Variants in TRPM6 observed in about 807,000 individuals in gnomAD.
The protein encoded by TRPM6 is channel kinase 2.
Under a neutral mutation model 247.6 loss-of-function variants are expected in TRPM6, and 111 were observed. The observed-to-expected ratio is 0.45, with a 90% CI of 0.38 to 0.52. TRPM6 has a LOEUF of 0.52. Ranked by LOEUF, TRPM6 falls within the 20% of genes least tolerant of loss-of-function variation. TRPM6 has a pLI of 0.00. For synonymous variants in TRPM6, 892 were observed against 853.8 expected (o/e 1.04, Z -0.78); for missense variants, 2,126 against 2,421.5 (o/e 0.88, Z 2.56).
chr9:74,724,774 T>C (rs558208808), intron 38 of TRPM6, 28 bp from the exon 39 acceptor site: 13 of 1,613,780 alleles, frequency 8.1e-6, no homozygotes, highest in African/African-American at 6.7e-5. Flanking sequence ...AAAAAGGTTA[T>C]AGTGGAACCC....
chr9:74,747,698 C>T (rs1826096521), intron 31 of TRPM6, among the ~76,000 whole-genome samples, 191 bp downstream of exon 31: 1 of 152,056 alleles, frequency 6.6e-6, no homozygotes, highest in South Asian at 2.1e-4. Context: ...AGTTTTAAAC[C>T]AGACATCAAT....
At chr9:74,840,586 G>A (rs374574159) in intron 4 of TRPM6, among the ~76,000 whole-genome samples, 5 of 152,072 alleles carry the variant, frequency 3.3e-5, no homozygotes, top group African/African-American at 9.7e-5. Flanking sequence ...AGGCCGAGGT[G>A]GGCGGAACAC....
At chr9:74,774,447 G>A (rs1384467351) in intron 24 of TRPM6, among the ~76,000 whole-genome samples, 1 of 152,042 alleles carries the variant, frequency 6.6e-6, no homozygotes, top group Non-Finnish European at 1.5e-5. Context: ...TTCGTACAAA[G>A]GCTGAATCTC....
rs1164003880 is a variant in TRPM6 at position 74,802,182 on chromosome 9, G to A, written c.1732-7C>T. On this transcript the variant is annotated splice_region_variant and splice_polypyrimidine_tract_variant and intron_variant, in intron 15 of 38. Coordinates refer to ENST00000360774, the MANE Select transcript of TRPM6 (RefSeq NM_017662.5). Reference sequence around the variant, plus strand: ...GAAGGACTATAGACTTTTCCTGTTGGAAAATAAAATAGGAATGAGTTTTCA... The same window carrying A: ...GAAGGACTATAGACTTTTCCTGTTGAAAAATAAAATAGGAATGAGTTTTCA... 2 of 1,612,728 alleles carry A rather than the reference G, an allele frequency of 1.2e-6. No homozygotes were observed. Among genetic ancestry groups the A allele is most frequent in the African/African-American group, 1.3e-5 (1 of 74,860 alleles).
Position 74,861,905 on chromosome 9 carries a change from G to A in TRPM6, c.34-3157C>T, listed in dbSNP as rs531062890. ...GGACTCCAACTCCTATAGGCCCCAT[G>A]CCAGTCATTTCTATTGCCCCAGGGC... is the stretch of plus-strand genomic sequence containing the variant. On this transcript the variant is annotated intron_variant, in intron 1 of 38. Coordinates refer to ENST00000360774, the MANE Select transcript of TRPM6 (RefSeq NM_017662.5). Among the ~76,000 whole-genome samples, 3 of 151,890 alleles carry A rather than the reference G, an allele frequency of 2.0e-5. No homozygotes were observed. In the South Asian group the frequency reaches 6.2e-4, roughly 32 times the overall value.
At chr9:74,875,240 C>G (rs1282820840) in intron 1 of TRPM6, 1 of 455,848 alleles carries the variant, frequency 2.2e-6, no homozygotes, top group Non-Finnish European at 4.4e-6. Flanking sequence ...CAACTCTTCC[C>G]TTCCATTAAA....
chr9:74,833,695 T>C (rs1829618942), intron 6 of TRPM6, among the ~76,000 whole-genome samples: 2 of 152,304 alleles, frequency 1.3e-5, no homozygotes, highest in South Asian at 2.1e-4. Flanking sequence ...TCAGTAACAG[T>C]AAGGGCAGTG....
chr9:74,803,151 C>T (rs1312819830), intron 15 of TRPM6, among the ~76,000 whole-genome samples: 3 of 152,184 alleles, frequency 2.0e-5, no homozygotes, highest in Middle Eastern at 6.8e-3. Flanking sequence ...TATAAAATAC[C>T]TCTTTCATAC....
At chr9:74,793,703 C>A (rs1257715095) in intron 18 of TRPM6, among the ~76,000 whole-genome samples, 4 of 152,182 alleles carry the variant, frequency 2.6e-5, no homozygotes, top group Non-Finnish European at 5.9e-5. Context: ...CCTTCGATAG[C>A]ATCCCCACTG....
At position 74,792,678 on chromosome 9, in the gene TRPM6, G is replaced by T; in HGVS notation, c.2484C>A (p.Thr828=). ...LESGHQHLPW[T]RKVYEFYSAP... is the part of the protein sequence containing the mutation. ...CACTGTAGAACTCATAGACTTTCCT[G>T]GTCCACGGAAGGTGTTGGTGCCCAC... is the stretch of plus-strand genomic sequence containing the variant. Residue 828 remains threonine (T), a synonymous_variant, in exon 19 of 39, where the codon ACC becomes ACA. Coordinates refer to ENST00000360774, the MANE Select transcript of TRPM6 (RefSeq NM_017662.5). 1 of 1,613,976 alleles carries T rather than the reference G, an allele frequency of 6.2e-7. No individual in the cohort carries two copies. Among genetic ancestry groups the T allele is most frequent in the Non-Finnish European group, 8.5e-7 (1 of 1,179,964 alleles).
At chr9:74,817,112 T>C (rs1587538999) in intron 9 of TRPM6, 148 bp from the exon 10 acceptor site, 1 of 794,244 alleles carries the variant, frequency 1.3e-6, no homozygotes, top group Middle Eastern at 3.2e-4. Flanking sequence ...GAGAGAAAAC[T>C]TTTAAATAGG....
At chr9:74,850,793 A>C (rs574172559) in intron 3 of TRPM6, among the ~76,000 whole-genome samples, 1 of 152,336 alleles carries the variant, frequency 6.6e-6, no homozygotes, top group South Asian at 2.1e-4. Context: ...AAGGTTCTTA[A>C]TGTAAAGGGA....
At chr9:74,867,217 C>T (rs1373238297) in intron 1 of TRPM6, among the ~76,000 whole-genome samples, 3 of 152,070 alleles carry the variant, frequency 2.0e-5, no homozygotes, top group East Asian at 3.9e-4. Context: ...CATCATGTAC[C>T]CTTGGGAAAA....
intron 7 of TRPM6, among the ~76,000 whole-genome samples, chr9:74,823,431 C>T (rs1195957763): frequency 6.6e-6 from 1 of 152,160 alleles, no homozygotes; most frequent in Non-Finnish European, 1.5e-5. Flanking sequence ...AATATCTAGA[C>T]GTATAGTATG....
chr9:74,820,509 G>A lies in TRPM6; in HGVS notation c.1011-82C>T, dbSNP rs1829100605. On this transcript the variant is annotated intron_variant, in intron 8 of 38. Transcript: ENST00000360774. The stretch of plus-strand genomic sequence containing the variant: ...ATCAGTACAAGAAAACACCCCATCA[G>A]CTCCCCAGACTGAAAAGGTGTCTAT... 5.8e-6 allele frequency: 9 copies of A among 1,546,534 alleles called. No homozygotes were observed. In the South Asian group the frequency reaches 1.0e-4, roughly 17 times the overall value.
chr9:74,754,529 G>A (rs530152353), intron 28 of TRPM6, among the ~76,000 whole-genome samples: 3 of 152,152 alleles, frequency 2.0e-5, no homozygotes, highest in East Asian at 1.9e-4. Flanking sequence ...AGTGTCCCAC[G>A]GGGAAAGTGA....
At chr9:74,832,736 T>C (rs1443813973) in intron 6 of TRPM6, among the ~76,000 whole-genome samples, 1 of 152,166 alleles carries the variant, frequency 6.6e-6, no homozygotes, top group Non-Finnish European at 1.5e-5. Flanking sequence ...CTGCCTAATA[T>C]GTTGCAAGTT....
At position 74,755,350 on chromosome 9, in the gene TRPM6, T is replaced by G. The variant is rs772583655; in HGVS notation, c.4906+3A>C. ...GGGATCCAAAATTGTAGATGTTACA[T>G]ACCTGTGTGACTAAATTTGGACACT... On this transcript the variant is annotated splice_donor_region_variant and intron_variant, in intron 28 of 38. Transcript: ENST00000360774. The G allele has an allele frequency of 3.7e-6, 6 of 1,614,012 alleles. No individual in the cohort carries two copies. In the Admixed American group the frequency reaches 1.0e-4, roughly 27 times the overall value.
chr9:74,756,049 G>A (rs1035949430), intron 27 of TRPM6, among the ~76,000 whole-genome samples: 2 of 152,048 alleles, frequency 1.3e-5, no homozygotes, highest in East Asian at 3.9e-4. Flanking sequence ...GAACAAATGC[G>A]GTAAATTGGT....
Sources: gnomAD v4.1 joint callset for allele counts (sites outside exome capture counted in the v4.1 genomes callset) on GRCh38, gnomAD v4.1.1 for gene constraint, MANE v1.5 for transcripts, NCBI Gene and HGNC (gene_info 2026-07-23, HGNC 2026-07-21) for gene names.